The following FGFR1 variants were observed in gnomAD, a reference collection of about 807,000 sequenced individuals.
The protein encoded by FGFR1 is FGFR1/PLAG1 fusion.
In FGFR1, 18 loss-of-function variants were observed where a neutral mutation model predicts 93.7. That is an observed-to-expected ratio of 0.19 (90% CI 0.13 to 0.28). The LOEUF (loss-of-function observed/expected upper bound fraction) is 0.28. Among genes scored for constraint, FGFR1 ranks in the 10% least tolerant of loss-of-function variants. FGFR1 has a pLI of 1.00. For synonymous variants in FGFR1, 448 were observed against 429.3 expected, an observed-to-expected ratio of 1.04 and a Z score of -0.54; for missense variants, 731 against 1,080.4, an observed-to-expected ratio of 0.68 and a Z score of 4.53.
At chr8:38,443,216 T>C (rs1828117397) in intron 2 of FGFR1, among the ~76,000 whole-genome samples, 2 of 151,944 alleles carry the variant, frequency 1.3e-5, no homozygotes, top group South Asian at 4.2e-4. Flanking sequence ...TTAAAATTGG[T>C]GAAAATGCAC....
chr8:38,432,826 A>C (rs1357916589), intron 2 of FGFR1, among the ~76,000 whole-genome samples: 4 of 148,638 alleles, frequency 2.7e-5, no homozygotes, highest in African/African-American at 7.4e-5. Flanking sequence ...TCCCTGCCTC[A>C]CCTTCAAGAC....
chr8:38,434,691 G>T (rs146539173), intron 2 of FGFR1: 1 of 168,730 alleles, frequency 5.9e-6, no homozygotes, highest in East Asian at 1.7e-4. Flanking sequence ...TTCGAATTTG[G>T]TGAATGGTCA....
chr8:38,429,123 A>C lies in FGFR1; in HGVS notation c.358+559T>G. On this transcript the variant is annotated intron_variant, in intron 3 of 17. Coordinates refer to ENST00000447712, the MANE Select transcript of FGFR1 (RefSeq NM_023110.3). The surrounding 1 kb of genome is among the most constrained non-coding windows in gnomAD (Gnocchi z 4.4). ...TGAGGTGCATAAATGGCATAAAGAA[A>C]ATTTCAGCTCCACTTCCTCAACTCC... is the stretch of plus-strand genomic sequence containing the variant. The C allele has an allele frequency of 2.8e-6, 1 of 361,724 alleles. No homozygotes were observed. Among genetic ancestry groups the C allele is most frequent in the East Asian group, 7.4e-5 (1 of 13,580 alleles). 22.4% of individuals were successfully genotyped at this position (361,724 alleles called of 1,614,324 possible). A position where few individuals can be genotyped will look rare whatever the true frequency, so the allele number is the denominator to read the frequency against.
intron 1 of FGFR1, chr8:38,461,401 C>T: frequency 4.6e-6 from 2 of 431,930 alleles, no homozygotes; most frequent in Non-Finnish European, 8.3e-6. Flanking sequence ...GTGGCACGAT[C>T]TCAACTCACT....
In FGFR1 at chr8:38,427,903, G is replaced by C. The variant is rs757022668; in HGVS notation, c.621+18C>G. The C allele has an allele frequency of 1.2e-6, 2 of 1,614,018 alleles. No individual in the cohort carries two copies. The highest frequency in any genetic ancestry group is 1.7e-6 in the Non-Finnish European group (2 of 1,179,952). On this transcript the variant is annotated intron_variant, in intron 5 of 17. Transcript: ENST00000447712. ...CCCTGTTCCCATTACTCTAACTTTC[G>C]CATGCACACACACGTACCTTGTAGC...
intron 1 of FGFR1, among the ~76,000 whole-genome samples, chr8:38,458,001 T>A (rs552202582): frequency 4.0e-5 from 6 of 151,766 alleles, no homozygotes; most frequent in Non-Finnish European, 5.9e-5. Context: ...AGGTTATAGG[T>A]CTTAATTGGA....
chr8:38,418,089 G>A (rs998662749), intron 10 of FGFR1, 98 bp from the exon 11 acceptor site: 52 of 1,607,242 alleles, frequency 3.2e-5, no homozygotes, highest in Non-Finnish European at 4.0e-5. Flanking sequence ...ACCCAACTGC[G>A]AGCAGAAAGT....
At chr8:38,444,368 A>C (rs1828608479) in intron 2 of FGFR1, among the ~76,000 whole-genome samples, 1 of 150,142 alleles carries the variant, frequency 6.7e-6, no homozygotes, top group South Asian at 2.1e-4. Context: ...AGTTTTAAGA[A>C]ATTAAAAACA....
chr8:38,432,908 G>A (rs1008144420), intron 2 of FGFR1, among the ~76,000 whole-genome samples: 2 of 47,478 alleles, frequency 4.2e-5, no homozygotes, highest in Non-Finnish European at 8.5e-5. Context: ...TCCCCACCGC[G>A]CCCCCCCCCC....
At position 38,413,188 on chromosome 8, in the gene FGFR1, C is replaced by A. The variant is rs1016201991; in HGVS notation, c.*440G>T. 3.1e-5 allele frequency: 8 copies of A among 256,942 alleles called. No individual in the cohort carries two copies. The highest frequency in any genetic ancestry group is 1.7e-4 in the African/African-American group (8 of 45,996). The allele number at this position is 256,942 out of a possible 1,614,324, so 15.9% of individuals were successfully genotyped here. A position where few individuals can be genotyped will look rare whatever the true frequency, so the allele number is the denominator to read the frequency against. On this transcript the variant is annotated 3_prime_UTR_variant, in exon 18 of 18. Transcript: ENST00000447712. The surrounding 1 kb of genome is among the most constrained non-coding windows in gnomAD (Gnocchi z 4.2). ...CTTCAATCGAGGCACGAAGCACTGA[C>A]CTCCCTACTGCTGTAGCCCTGAGGA...
chr8:38,444,942 G>T (rs1465999249), intron 2 of FGFR1, among the ~76,000 whole-genome samples: 1 of 152,138 alleles, frequency 6.6e-6, no homozygotes, highest in Admixed American at 6.6e-5. Context: ...GCTGGGTCCA[G>T]CCAGAGAGAG....
Position 38,424,772 on chromosome 8 carries a change from G to T in FGFR1, c.746-73C>A. 6.7e-7 allele frequency: 1 copy of T among 1,499,714 alleles called. No homozygotes were observed. The highest frequency in any genetic ancestry group is 1.2e-5 in the South Asian group (1 of 81,136). The allele number at this position is 1,499,714 out of a possible 1,614,324, so 92.9% of individuals were successfully genotyped here. ...GCTAAAGAGGGGTGGGCTCACCTGC[G>T]CCCCACTTGGCTTTCCCAGTGATGG... On this transcript the variant is annotated intron_variant, in intron 6 of 17. Coordinates refer to ENST00000447712, the MANE Select transcript of FGFR1 (RefSeq NM_023110.3). This position sits in a 1 kb window ranked among gnomAD's most constrained non-coding sequence, Gnocchi z 4.3.
chr8:38,418,417 G>T (rs564320559), intron 9 of FGFR1, 44 bp from the exon 10 acceptor site: 1 of 1,595,410 alleles, frequency 6.3e-7, no homozygotes, highest in South Asian at 1.1e-5. Flanking sequence ...GAGGGGGGAC[G>T]GGGTGACTCC....
At chr8:38,447,973 G>A (rs1310890102) in intron 2 of FGFR1, among the ~76,000 whole-genome samples, 1 of 152,192 alleles carries the variant, frequency 6.6e-6, no homozygotes, top group African/African-American at 2.4e-5. Flanking sequence ...ATGCCCAAAT[G>A]TAGAGAACTG....
chr8:38,467,860 G>C (rs1004856414), intron 1 of FGFR1, 121 bp downstream of exon 1: 5 of 229,602 alleles, frequency 2.2e-5, no homozygotes, highest in African/African-American at 1.1e-4. Flanking sequence ...GCGGCGAGCG[G>C]AGGGAGGCGC....
At position 38,424,117 on chromosome 8, in the gene FGFR1, C is replaced by T. The variant is rs1819835088; in HGVS notation, c.936+392G>A. 5.4e-5 allele frequency: 19 copies of T among 352,112 alleles called. 1 individual carries two copies. The highest frequency in any genetic ancestry group is 4.9e-4 in the South Asian group (19 of 38,448). The allele number at this position is 352,112 out of a possible 1,614,324, so 21.8% of individuals were successfully genotyped here. A position where few individuals can be genotyped will look rare whatever the true frequency, so the allele number is the denominator to read the frequency against. On this transcript the variant is annotated intron_variant, in intron 7 of 17. Transcript: ENST00000447712. This position sits in a 1 kb window ranked among gnomAD's most constrained non-coding sequence, Gnocchi z 4.3. ...TGCTCTTATCATGCACCCCATTTGC[C>T]AGAAAGATCGTACGTAACTCAGGAC...
intron 8 of FGFR1, among the ~76,000 whole-genome samples, chr8:38,421,216 G>A (rs1818639765): frequency 6.6e-6 from 1 of 152,222 alleles, no homozygotes. Context: ...AGAGACGGCA[G>A]CAGGCAAACA....
At chr8:38,464,756 A>T (rs1283556875) in intron 1 of FGFR1, among the ~76,000 whole-genome samples, 1 of 152,210 alleles carries the variant, frequency 6.6e-6, no homozygotes, top group Non-Finnish European at 1.5e-5. Context: ...CCCTTTCAGA[A>T]TAAGACATTT....
At chr8:38,418,671 C>T (rs1175853109) in intron 9 of FGFR1, 4 of 464,284 alleles carry the variant, frequency 8.6e-6, no homozygotes, top group African/African-American at 2.0e-5. Flanking sequence ...CAACTCTGTT[C>T]TCCTGACTCT....
Sources: gnomAD v4.1 joint callset for allele counts (sites outside exome capture counted in the v4.1 genomes callset) on GRCh38, gnomAD v4.1.1 for gene constraint, Gnocchi (gnomAD v3.1) non-coding constraint, MANE v1.5 for transcripts, NCBI Gene and HGNC (gene_info 2026-07-23, HGNC 2026-07-21) for gene names.